Variants in PTPN14 observed in about 807,000 individuals in gnomAD.
PTPN14 encodes tyrosine-protein phosphatase non-receptor type 14.
Under a neutral mutation model 126.8 loss-of-function variants are expected in PTPN14, and 53 were observed. That is an observed-to-expected ratio of 0.42 (90% CI 0.34 to 0.53). The LOEUF is 0.53. Among genes scored for constraint, PTPN14 ranks in the 20% least tolerant of loss-of-function variants. The pLI is 0.08. For synonymous variants in PTPN14, 630 were observed against 599.3 expected (o/e 1.05, Z -0.75); for missense variants, 1,257 against 1,552.9 (o/e 0.81, Z 3.20).
chr1:214,489,208 C>T (rs887297263), intron 1 of PTPN14, among the ~76,000 whole-genome samples: 1 of 152,160 alleles, frequency 6.6e-6, no homozygotes, highest in African/African-American at 2.4e-5. Context: ...ATTTGGCCCT[C>T]ATAACAGTAC....
chr1:214,430,092 C>CT (rs1301101769), intron 3 of PTPN14, among the ~76,000 whole-genome samples: 3 of 152,270 alleles, frequency 2.0e-5, no homozygotes, highest in South Asian at 4.1e-4. Flanking sequence ...GCTAACTGTG[C>CT]TACGATTATT....
At chr1:214,416,518 T>C (rs1332012276) in intron 3 of PTPN14, among the ~76,000 whole-genome samples, 4 of 152,220 alleles carry the variant, frequency 2.6e-5, no homozygotes, top group Non-Finnish European at 5.9e-5. Context: ...TACAGATCCA[T>C]TCTATCCTAG....
intron 1 of PTPN14, among the ~76,000 whole-genome samples, chr1:214,506,009 CAG>C (rs1178540577): frequency 6.6e-6 from 1 of 152,192 alleles, no homozygotes; most frequent in African/African-American, 2.4e-5. Context: ...GACACAGAGA[CAG>C]AGAGACACTG....
chr1:214,502,557 C>T (rs1255818125), intron 1 of PTPN14, among the ~76,000 whole-genome samples: 1 of 152,240 alleles, frequency 6.6e-6, no homozygotes, highest in Non-Finnish European at 1.5e-5. Flanking sequence ...CAGGATCTCA[C>T]TATGTTGCCC....
chr1:214,390,956 G>A (rs376320285), intron 11 of PTPN14, 32 bp downstream of exon 11: 39 of 1,437,452 alleles, frequency 2.7e-5, no homozygotes, highest in Non-Finnish European at 9.4e-6. Context: ...TCAACAGTCA[G>A]ATCACTTGAT....
intron 1 of PTPN14, among the ~76,000 whole-genome samples, chr1:214,477,726 A>C (rs1309730211): frequency 6.6e-6 from 1 of 152,198 alleles, no homozygotes; most frequent in Non-Finnish European, 1.5e-5. Flanking sequence ...GTGTAAGCAC[A>C]CTAAGGAACA....
chr1:214,514,033 C>T (rs1655041322), intron 1 of PTPN14, among the ~76,000 whole-genome samples: 1 of 152,020 alleles, frequency 6.6e-6, no homozygotes, highest in African/African-American at 2.4e-5. Context: ...CTTCTTGTAC[C>T]ATTCCTCCCC....
At chr1:214,495,480 G>A (rs1270495741) in intron 1 of PTPN14, among the ~76,000 whole-genome samples, 2 of 152,008 alleles carry the variant, frequency 1.3e-5, no homozygotes, top group Non-Finnish European at 2.9e-5. Context: ...AGCAAACTAA[G>A]TACCATTAAG....
In PTPN14 at chr1:214,464,967, C is replaced by A; in HGVS notation, c.-154-10G>T. 7.6e-6 allele frequency: 6 copies of A among 786,870 alleles called. No homozygotes were observed. Among genetic ancestry groups the A allele is most frequent in the East Asian group, 5.7e-5 (2 of 35,108 alleles). 48.7% of individuals were successfully genotyped at this position (786,870 alleles called of 1,614,324 possible). A position where few individuals can be genotyped will look rare whatever the true frequency, so the allele number is the denominator to read the frequency against. On this transcript the variant is annotated splice_polypyrimidine_tract_variant and intron_variant, in intron 1 of 18. Transcript: ENST00000366956. Reference sequence around the variant, plus strand: ...GCCCTCTGGAAGATAGCTGTAAATGCAAAAGAAATGCCATGGTCATGCTCC... The same window carrying A: ...GCCCTCTGGAAGATAGCTGTAAATGAAAAAGAAATGCCATGGTCATGCTCC...
In PTPN14 at chr1:214,397,830, A is replaced by T. The variant is rs1658921752; in HGVS notation, c.758+83T>A. 2.6e-6 allele frequency: 3 copies of T among 1,160,444 alleles called. No homozygotes were observed. The Admixed American group carries it at 5.9e-5, about 23-fold the overall frequency. The allele number at this position is 1,160,444 out of a possible 1,614,324, so 71.9% of individuals were successfully genotyped here. On this transcript the variant is annotated intron_variant, in intron 8 of 18. Transcript: ENST00000366956. The stretch of plus-strand genomic sequence containing the variant: ...AATCTTATCCACAGTTTGGCTCTTA[A>T]CTCATTTGGATGTTAATGTAACATT...
chr1:214,366,151 C>G (rs914219348), intron 17 of PTPN14, among the ~76,000 whole-genome samples: 4 of 152,048 alleles, frequency 2.6e-5, no homozygotes, highest in African/African-American at 7.3e-5. Context: ...GCACCCCAGC[C>G]TGGGCACCAA....
intron 13 of PTPN14, among the ~76,000 whole-genome samples, chr1:214,380,655 T>A (rs1658451497): frequency 1.3e-5 from 2 of 152,228 alleles, no homozygotes; most frequent in South Asian, 4.1e-4. Flanking sequence ...CTGAGTTTTC[T>A]TTTGCTAAAA....
chr1:214,432,966 C>T (rs1659827855), intron 3 of PTPN14, among the ~76,000 whole-genome samples: 1 of 152,066 alleles, frequency 6.6e-6, no homozygotes, highest in African/African-American at 2.4e-5. Flanking sequence ...TGCAGTGGCA[C>T]GATCTCGGTT....
chr1:214,450,476 TA>T (rs748805193), intron 3 of PTPN14, among the ~76,000 whole-genome samples: 2,541 of 135,134 alleles, frequency 0.019, 31 homozygotes, highest in Non-Finnish European at 0.027. Flanking sequence ...CGTCTCAAAT[TA>T]AAAAAAAAAA....
chr1:214,438,317 A>G (rs1273243575), intron 3 of PTPN14, among the ~76,000 whole-genome samples: 1 of 152,074 alleles, frequency 6.6e-6, no homozygotes, highest in East Asian at 1.9e-4. Context: ...TAGCCTTCCT[A>G]CACTCGGCAC....
intron 7 of PTPN14, among the ~76,000 whole-genome samples, chr1:214,401,045 CAG>C (rs1035738622): frequency 1.2e-4 from 19 of 152,190 alleles, no homozygotes; most frequent in African/African-American, 4.6e-4. Context: ...AGTTGGTCAA[CAG>C]AGAGTGGAAA....
chr1:214,471,592 C>T (rs771629404), intron 1 of PTPN14, among the ~76,000 whole-genome samples: 4 of 152,096 alleles, frequency 2.6e-5, no homozygotes, highest in Non-Finnish European at 5.9e-5. Context: ...GAGTACTTGA[C>T]CTACTGTAGA....
In PTPN14 at chr1:214,412,119, A is replaced by G. The variant is rs867197683; in HGVS notation, c.443-368T>C. Among the ~76,000 whole-genome samples, 6 of 152,232 alleles carry G rather than the reference A, an allele frequency of 3.9e-5. No individual in the cohort carries two copies. The South Asian group carries it at 1.2e-3, about 31-fold the overall frequency. ...ACTCAAGGTTAATCTGGAGAACTGAAGAGCCAAACCCATCTGCATCTTTTC... is the reference window on the plus strand; with the variant it reads ...ACTCAAGGTTAATCTGGAGAACTGAGGAGCCAAACCCATCTGCATCTTTTC... On this transcript the variant is annotated intron_variant, in intron 4 of 18. Transcript: ENST00000366956.
At chr1:214,507,867 A>T (rs1328752923) in intron 1 of PTPN14, among the ~76,000 whole-genome samples, 2 of 152,140 alleles carry the variant, frequency 1.3e-5, no homozygotes, top group Non-Finnish European at 2.9e-5. Context: ...TGTAGTCCCC[A>T]CTACTCAGGA....
Sources: gnomAD v4.1 joint callset for allele counts (sites outside exome capture counted in the v4.1 genomes callset) on GRCh38, gnomAD v4.1.1 for gene constraint, MANE v1.5 for transcripts, NCBI Gene and HGNC (gene_info 2026-07-23, HGNC 2026-07-21) for gene names.